The following NKAIN3 variants were observed in gnomAD, a reference collection of about 807,000 sequenced individuals.
NKAIN3 encodes the protein sodium/potassium-transporting ATPase subunit beta-1-interacting protein 3.
Under a neutral mutation model 30.2 loss-of-function variants are expected in NKAIN3, and 25 were observed. The ratio of observed to expected loss-of-function variants is 0.83; its 90% CI spans 0.60 to 1.16. NKAIN3 has a LOEUF of 1.16. NKAIN3 is among the 50% of genes most tolerant of loss of function. The probability of loss-of-function intolerance (pLI) is 0.00; values close to 1 mark genes in which losing one functional copy is unlikely to be tolerated. For synonymous variants in NKAIN3, 91 were observed against 89.6 expected, an observed-to-expected ratio of 1.02 and a Z score of -0.09; for missense variants, 225 against 254.1, an observed-to-expected ratio of 0.89 and a Z score of 0.78.
At chr8:62,875,517 G>A (rs1429442946) in intron 4 of NKAIN3, among the ~76,000 whole-genome samples, 1 of 151,984 alleles carries the variant, frequency 6.6e-6, no homozygotes, top group Admixed American at 6.6e-5. Context: ...GTATAGTCAA[G>A]ACAATCTTCA....
chr8:62,761,462 A>G (rs1032692067), intron 4 of NKAIN3, among the ~76,000 whole-genome samples: 10 of 152,280 alleles, frequency 6.6e-5, no homozygotes, highest in South Asian at 2.1e-4. Flanking sequence ...GACAGCTTCT[A>G]AAAGCTTTTA....
At chr8:62,282,185 C>A (rs1049163637) in intron 1 of NKAIN3, among the ~76,000 whole-genome samples, 1 of 152,066 alleles carries the variant, frequency 6.6e-6, no homozygotes, top group African/African-American at 2.4e-5. Context: ...CAATAGAAAA[C>A]CCACTCGGGA....
intron 1 of NKAIN3, among the ~76,000 whole-genome samples, chr8:62,318,537 TC>T (rs1814744993): frequency 6.6e-6 from 1 of 152,082 alleles, no homozygotes; most frequent in African/African-American, 2.4e-5. Flanking sequence ...GGCCTTTTCT[TC>T]ATCTATTGAG....
chr8:62,611,216 G>A (rs1225960401), intron 3 of NKAIN3, among the ~76,000 whole-genome samples: 3 of 151,768 alleles, frequency 2.0e-5, no homozygotes, highest in Non-Finnish European at 2.9e-5. Flanking sequence ...TATTTATGGG[G>A]CACATTAGAT....
chr8:62,787,463 T>A (rs1817558789), intron 4 of NKAIN3, among the ~76,000 whole-genome samples: 1 of 152,160 alleles, frequency 6.6e-6, no homozygotes. Context: ...TACTTAATTA[T>A]AAACTTCCTG....
intron 1 of NKAIN3, among the ~76,000 whole-genome samples, chr8:62,524,069 A>G (rs138645844): frequency 1.6e-4 from 25 of 152,076 alleles, no homozygotes; most frequent in African/African-American, 5.3e-4. Flanking sequence ...TTTATATAAT[A>G]TTTTCTATAA....
At chr8:62,345,800 A>T (rs1409027312) in intron 1 of NKAIN3, among the ~76,000 whole-genome samples, 1 of 151,754 alleles carries the variant, frequency 6.6e-6, no homozygotes, top group East Asian at 1.9e-4. Context: ...AACTTCCATT[A>T]CTGTGTTGAA....
chr8:62,566,404 A>C (rs891331352), intron 1 of NKAIN3, among the ~76,000 whole-genome samples: 1 of 152,088 alleles, frequency 6.6e-6, no homozygotes, highest in African/African-American at 2.4e-5. Flanking sequence ...TCTGCCATTC[A>C]CCTTTGTACT....
chr8:62,717,419 C>G (rs566282306), intron 3 of NKAIN3, among the ~76,000 whole-genome samples: 1 of 151,860 alleles, frequency 6.6e-6, no homozygotes, highest in South Asian at 2.1e-4. Context: ...GCCTATAAGA[C>G]TGGTATTGTA....
chr8:62,304,409 C>CT (rs996203260), intron 1 of NKAIN3, among the ~76,000 whole-genome samples: 2 of 150,308 alleles, frequency 1.3e-5, no homozygotes, highest in Non-Finnish European at 2.9e-5. Flanking sequence ...CATCTACATG[C>CT]TTTTTTCCCC....
intron 1 of NKAIN3, among the ~76,000 whole-genome samples, chr8:62,505,546 A>G (rs1807605092): frequency 6.6e-6 from 1 of 152,146 alleles, no homozygotes; most frequent in East Asian, 1.9e-4. Context: ...AAGGTATAAC[A>G]TTGAAAATCA....
At position 62,680,784 on chromosome 8, in the gene NKAIN3, A is replaced by G. The variant is rs1035702990; in HGVS notation, c.274-66148A>G. 2.6e-5 allele frequency among the ~76,000 whole-genome samples: 4 copies of G among 152,198 alleles called. No homozygotes were observed. The South Asian group carries it at 8.3e-4, about 32-fold the overall frequency. ...CTTCACCAAACTTTTATACTAAATC[A>G]TTTTGAAAAATAATTATCCACTCAG... On this transcript the variant is annotated intron_variant, in intron 3 of 6. Transcript: ENST00000623646.
At chr8:62,785,042 A>G (rs1037878757) in intron 4 of NKAIN3, among the ~76,000 whole-genome samples, 2 of 152,152 alleles carry the variant, frequency 1.3e-5, no homozygotes, top group South Asian at 4.1e-4. Context: ...GCTTTGGAAA[A>G]CAGTCTGACA....
At chr8:62,398,244 T>C (rs561726925) in intron 1 of NKAIN3, among the ~76,000 whole-genome samples, 11 of 152,328 alleles carry the variant, frequency 7.2e-5, no homozygotes, top group African/African-American at 2.6e-4. Flanking sequence ...AAGCAAGCTG[T>C]TTCTTGTGCC....
At chr8:62,603,879 G>A (rs1036624756) in intron 3 of NKAIN3, among the ~76,000 whole-genome samples, 36 of 152,074 alleles carry the variant, frequency 2.4e-4, no homozygotes, top group Non-Finnish European at 1.9e-4. Context: ...AAAATGATTG[G>A]TCAGATTAGT....
At position 62,300,390 on chromosome 8, in the gene NKAIN3, A is replaced by T. The variant is rs539489512; in HGVS notation, c.54+51263A>T. Among the ~76,000 whole-genome samples, 3 of 152,266 alleles carry T rather than the reference A, an allele frequency of 2.0e-5. No individual in the cohort carries two copies. The East Asian group carries it at 5.8e-4, about 29-fold the overall frequency. On this transcript the variant is annotated intron_variant, in intron 1 of 6. Coordinates refer to ENST00000623646, the MANE Select transcript of NKAIN3 (RefSeq NM_001304533.3). ...TAACTTTATCTGGGTAACATAGTTA[A>T]ATAAAGGTAGATCTAGATCATAATG... is the stretch of plus-strand genomic sequence containing the variant.
intron 5 of NKAIN3, among the ~76,000 whole-genome samples, chr8:62,928,968 C>T (rs937486467): frequency 5.3e-5 from 8 of 152,096 alleles, no homozygotes; most frequent in Non-Finnish European, 7.4e-5. Context: ...AGGAGTCCAG[C>T]GTATCAAGCA....
intron 1 of NKAIN3, among the ~76,000 whole-genome samples, chr8:62,435,871 A>T (rs1290784277): frequency 6.6e-6 from 1 of 152,160 alleles, no homozygotes; most frequent in Non-Finnish European, 1.5e-5. Flanking sequence ...TGTAGACAAA[A>T]TCTGTTTTGT....
At chr8:62,273,428 G>C (rs889631814) in intron 1 of NKAIN3, among the ~76,000 whole-genome samples, 5 of 152,106 alleles carry the variant, frequency 3.3e-5, no homozygotes, top group African/African-American at 1.2e-4. Flanking sequence ...CCTTAAAAAG[G>C]CCCTATACCA....
Sources: gnomAD v4.1 joint callset for allele counts (sites outside exome capture counted in the v4.1 genomes callset) on GRCh38, gnomAD v4.1.1 for gene constraint, MANE v1.5 for transcripts, NCBI Gene and HGNC (gene_info 2026-07-23, HGNC 2026-07-21) for gene names.